ZFP1: variants seen among roughly 807,000 people sequenced by gnomAD.
ZFP1 encodes the protein ZFP1 zinc finger protein, also known as zinc finger protein 1 homolog.
Under a neutral mutation model 38.5 loss-of-function variants are expected in ZFP1, and 32 were observed. The ratio of observed to expected loss-of-function variants is 0.83; its 90% CI spans 0.63 to 1.12. The LOEUF is 1.12. Among genes scored for constraint, ZFP1 ranks in the 50% most tolerant of loss-of-function variants. The pLI, the probability that ZFP1 is intolerant of heterozygous loss-of-function variation, is 0.00. For synonymous variants in ZFP1, 245 were observed against 168.8 expected (o/e 1.45, Z -3.50); for missense variants, 616 against 480.8 (o/e 1.28, Z -2.63).
At chr16:75,146,954 A>C (rs2036957693), upstream of ZFP1, among the ~76,000 whole-genome samples, 1 of 151,676 alleles carries the variant, frequency 6.6e-6, no homozygotes, top group Non-Finnish European at 1.5e-5. Context: ...AAAAAAAAAA[A>C]AAAAAAAAGC....
the ZFP1 span, among the ~76,000 whole-genome samples, chr16:75,138,421 T>G: frequency 6.6e-6 from 1 of 152,126 alleles, no homozygotes; most frequent in Non-Finnish European, 1.5e-5. Flanking sequence ...AGGAGTAACT[T>G]TATAGTGGAG....
intron 2 of ZFP1, among the ~76,000 whole-genome samples, chr16:75,159,573 A>G (rs1329442273): frequency 1.3e-5 from 2 of 149,740 alleles, no homozygotes; most frequent in African/African-American, 4.9e-5. Flanking sequence ...ATGCCCGGCT[A>G]ATTTTTGTAC....
intron 2 of ZFP1, chr16:75,166,449 C>T (rs112330010): frequency 0.038 from 25,730 of 670,618 alleles, 972 homozygotes; most frequent in African/African-American, 0.15. Context: ...TGGTCTCGAA[C>T]TCCCGACCTC....
At position 75,169,522 on chromosome 16, in the gene ZFP1, G is replaced by A. The variant is rs2038303784; in HGVS notation, c.412G>A (p.Gly138Arg). The A allele has an allele frequency of 6.2e-7, 1 of 1,612,990 alleles. No homozygotes were observed. The highest frequency in any genetic ancestry group is 1.7e-5 in the Admixed American group (1 of 59,764). Residue 138 changes from glycine to arginine, a missense_variant, in exon 4 of 4, where the codon GGA becomes AGA. Physicochemically the swap from Gly to Arg is moderately radical, Grantham distance 125. Transcript: ENST00000570010. ...GCAGACTGATGAGTGTAATGAATTTGGAAAAGCACTTCTCTACCTGAAGCA... is the reference window on the plus strand; with the variant it reads ...GCAGACTGATGAGTGTAATGAATTTAGAAAAGCACTTCTCTACCTGAAGCA... ...GKQTDECNEF[G>R]KALLYLKQEK... is the part of the protein sequence containing the mutation.
At chr16:75,122,192 C>T in the ZFP1 span, among the ~76,000 whole-genome samples, 2 of 152,216 alleles carry the variant, frequency 1.3e-5, no homozygotes, top group Non-Finnish European at 2.9e-5. Context: ...GGCAGGAGTT[C>T]TTATTCCTCA....
intron 2 of ZFP1, among the ~76,000 whole-genome samples, chr16:75,163,407 G>C (rs950275094): frequency 1.3e-5 from 2 of 151,596 alleles, no homozygotes; most frequent in African/African-American, 4.9e-5. Flanking sequence ...TGCCTCCCGG[G>C]TTCAAGCAAT....
At chr16:75,141,160 C>G in the ZFP1 span, among the ~76,000 whole-genome samples, 6 of 149,098 alleles carry the variant, frequency 4.0e-5, no homozygotes, top group Non-Finnish European at 4.4e-5. Flanking sequence ...AACAGAAAAT[C>G]GAGTGAAAAA....
At chr16:75,120,866 C>T in the ZFP1 span, among the ~76,000 whole-genome samples, 1 of 151,998 alleles carries the variant, frequency 6.6e-6, no homozygotes, top group Non-Finnish European at 1.5e-5. Flanking sequence ...ACCTCATGAT[C>T]CGCCCGCCTC....
chr16:75,169,499 A>G lies in ZFP1; in HGVS notation c.389A>G (p.Gln130Arg). The G allele has an allele frequency of 6.2e-7, 1 of 1,613,320 alleles. No individual in the cohort carries two copies. The highest frequency in any genetic ancestry group is 8.5e-7 in the Non-Finnish European group (1 of 1,179,884). ...AGTAATAGAAGCTATGCAGGAAAGCAGACTGATGAGTGTAATGAATTTGGA... is the reference window on the plus strand; with the variant it reads ...AGTAATAGAAGCTATGCAGGAAAGCGGACTGATGAGTGTAATGAATTTGGA... The part of the protein sequence containing the change: ...LNSNRSYAGK[Q>R]TDECNEFGKA... Residue 130 changes from glutamine (Q) to arginine (R), a missense_variant, in exon 4 of 4, where the codon CAG becomes CGG. By Grantham distance (43) the Gln-to-Arg change is conservative. Transcript: ENST00000570010.
In ZFP1 at chr16:75,169,145, A is replaced by C. The variant is rs377457904; in HGVS notation, c.143-108A>C. On this transcript the variant is annotated intron_variant, in intron 3 of 3. Transcript: ENST00000570010. ...TTTTAATATTGGGAGACTGGGTCCC[A>C]AACTAAAGAGTCAGCCCTGTGATAG... 1.4e-3 allele frequency: 1,883 copies of C among 1,369,634 alleles called. 39 individuals carry two copies. The South Asian group carries it at 0.036, about 26-fold the overall frequency. 84.8% of individuals were successfully genotyped at this position (1,369,634 alleles called of 1,614,324 possible). A position where few individuals can be genotyped will look rare whatever the true frequency, so the allele number is the denominator to read the frequency against.
At chr16:75,154,097 G>T (rs1342456681) in intron 2 of ZFP1, among the ~76,000 whole-genome samples, 1 of 152,156 alleles carries the variant, frequency 6.6e-6, no homozygotes, top group Non-Finnish European at 1.5e-5. Flanking sequence ...GGTGGCGGGC[G>T]CCTGTAGTCC....
At chr16:75,124,718 C>T in the ZFP1 span, among the ~76,000 whole-genome samples, 6 of 140,592 alleles carry the variant, frequency 4.3e-5, no homozygotes, top group Non-Finnish European at 9.1e-5. Context: ...ACCTGGGAGG[C>T]GGAGCTTGCG....
At chr16:75,165,522 G>A (rs895662232) in intron 2 of ZFP1, among the ~76,000 whole-genome samples, 18 of 151,936 alleles carry the variant, frequency 1.2e-4, no homozygotes, top group Non-Finnish European at 2.4e-4. Flanking sequence ...AGCCTCCCGA[G>A]TAGCTGGGAT....
chr16:75,150,532 A>G (rs1421789787), intron 1 of ZFP1, among the ~76,000 whole-genome samples: 2 of 151,910 alleles, frequency 1.3e-5, no homozygotes, highest in Non-Finnish European at 2.9e-5. Flanking sequence ...ATCTTTTTAT[A>G]TTATTGATTT....
Position 75,169,917 on chromosome 16 carries a change from G to C in ZFP1, c.807G>C (p.Glu269Asp). 1 of 1,614,182 alleles carries C rather than the reference G, an allele frequency of 6.2e-7. No homozygotes were observed. The highest frequency in any genetic ancestry group is 8.5e-7 in the Non-Finnish European group (1 of 1,180,032). The stretch of plus-strand genomic sequence containing the variant: ...CACATATGGAGAAGAAGCCCTATGA[G>C]TGCAGTGAATGTGGAAAGACATTTG... ...QRAHMEKKPY[E>D]CSECGKTFAQ... Residue 269 changes from glutamate to aspartate, a missense_variant, in exon 4 of 4, where the codon GAG becomes GAC. Transcript: ENST00000570010.
chr16:75,151,112 G>A (rs1001409284), intron 1 of ZFP1, among the ~76,000 whole-genome samples: 12 of 151,858 alleles, frequency 7.9e-5, no homozygotes, highest in Non-Finnish European at 1.6e-4. Context: ...ACCCACCTTT[G>A]CCTCCCAAAG....
chr16:75,150,726 G>A (rs2145494615), intron 1 of ZFP1, among the ~76,000 whole-genome samples: 1 of 152,144 alleles, frequency 6.6e-6, no homozygotes, highest in South Asian at 2.1e-4. Flanking sequence ...CACCAGGCCT[G>A]TTGTAGTTTG....
chr16:75,119,402 T>C, the ZFP1 span, among the ~76,000 whole-genome samples: 6 of 127,328 alleles, frequency 4.7e-5, no homozygotes, highest in Admixed American at 1.7e-4. Context: ...CAACTCCTCT[T>C]TTTTTTTTGG....
At chr16:75,148,437 G>T (rs2145483299), upstream of ZFP1, 1 of 152,382 alleles carries the variant, frequency 6.6e-6, no homozygotes, top group Non-Finnish European at 1.5e-5. Flanking sequence ...AGTCCCGAAC[G>T]TGGATGGTCC....
Sources: allele counts gnomAD v4.1 joint callset (sites outside exome capture counted in the v4.1 genomes callset), GRCh38; gene constraint gnomAD v4.1.1; transcripts MANE v1.5; gene names NCBI Gene and HGNC (gene_info 2026-07-23, HGNC 2026-07-21).